CNTNAP5: variants seen among roughly 807,000 people sequenced by gnomAD.
CNTNAP5 encodes contactin associated protein family member 5.
A neutral mutation model predicts 150.2 loss-of-function variants in CNTNAP5; 72 were observed. The ratio of observed to expected loss-of-function variants is 0.48; its 90% confidence interval spans 0.40 to 0.58. CNTNAP5 has a LOEUF of 0.58. Among genes scored for constraint, CNTNAP5 ranks in the 20% least tolerant of loss-of-function variants. The probability of loss-of-function intolerance (pLI) is 0.00; values close to 1 mark genes in which losing one functional copy is unlikely to be tolerated. For synonymous variants in CNTNAP5, 672 were observed against 619.8 expected (o/e 1.08, Z -1.25); for missense variants, 1,636 against 1,626.2 (o/e 1.01, Z -0.10).
intron 3 of CNTNAP5, among the ~76,000 whole-genome samples, chr2:124,349,527 T>G (rs1203798691): frequency 6.6e-6 from 1 of 152,204 alleles, no homozygotes; most frequent in Non-Finnish European, 1.5e-5. Flanking sequence ...AGTTTTCCAG[T>G]GCTTTCTTTT....
intron 19 of CNTNAP5, among the ~76,000 whole-genome samples, chr2:124,808,523 C>T (rs560887044): frequency 3.6e-4 from 54 of 149,840 alleles, no homozygotes; most frequent in Non-Finnish European, 5.9e-4. Flanking sequence ...GGGAGGCAGA[C>T]GTTGCAGCGA....
At chr2:124,728,848 T>G (rs1436181366) in intron 13 of CNTNAP5, among the ~76,000 whole-genome samples, 2 of 152,096 alleles carry the variant, frequency 1.3e-5, no homozygotes, top group Admixed American at 6.6e-5. Flanking sequence ...TAATCCAATT[T>G]GTAAACTAAA....
In CNTNAP5 at chr2:124,440,791, T is replaced by C. The variant is rs142367523; in HGVS notation, c.734-5962T>C. ...CCCTTATCTATTTCTGTCCCAAAAG[T>C]TAGTTTCTGTATAGTTTTATTGTTT... On this transcript the variant is annotated intron_variant, in intron 5 of 23. Coordinates refer to ENST00000682447, the MANE Select transcript of CNTNAP5 (RefSeq NM_001367498.1). Among the ~76,000 whole-genome samples the C allele has an allele frequency of 2.4e-4, 36 of 152,270 alleles. No homozygotes were observed. In the East Asian group the frequency reaches 6.4e-3, roughly 27 times the overall value.
At chr2:124,778,370 T>A (rs1181871139) in intron 17 of CNTNAP5, 1 of 152,242 alleles carries the variant, frequency 6.6e-6, no homozygotes, top group Non-Finnish European at 1.5e-5. Context: ...CAGTAAGTCC[T>A]ACTGGCCAAG....
chr2:124,043,148 G>A (rs1056144642), intron 1 of CNTNAP5, among the ~76,000 whole-genome samples: 3 of 152,180 alleles, frequency 2.0e-5, no homozygotes, highest in African/African-American at 7.2e-5. Flanking sequence ...AAAATCAGAA[G>A]TAAGAGACTG....
chr2:124,337,130 G>C (rs1689492401), intron 3 of CNTNAP5, among the ~76,000 whole-genome samples: 1 of 152,184 alleles, frequency 6.6e-6, no homozygotes, highest in African/African-American at 2.4e-5. Context: ...GGCCAGTGAT[G>C]ATGAGCATTT....
chr2:124,425,618 C>T (rs1447621644), intron 4 of CNTNAP5, among the ~76,000 whole-genome samples: 1 of 150,820 alleles, frequency 6.6e-6, no homozygotes, highest in Admixed American at 6.6e-5. Flanking sequence ...ACCATATGTC[C>T]CAGCTTGCTC....
chr2:124,324,421 C>T (rs1368066006), intron 3 of CNTNAP5, among the ~76,000 whole-genome samples: 2 of 152,090 alleles, frequency 1.3e-5, no homozygotes, highest in African/African-American at 2.4e-5. Flanking sequence ...GTCTGAGAGA[C>T]ATCAAAGAAA....
At chr2:124,252,937 C>A (rs925153172) in intron 3 of CNTNAP5, among the ~76,000 whole-genome samples, 1 of 151,626 alleles carries the variant, frequency 6.6e-6, no homozygotes, top group Non-Finnish European at 1.5e-5. Context: ...TTGTAGAAGG[C>A]GATCTTATTA....
chr2:124,356,951 C>T (rs916067278), intron 3 of CNTNAP5, among the ~76,000 whole-genome samples: 2 of 152,222 alleles, frequency 1.3e-5, no homozygotes, highest in African/African-American at 4.8e-5. Context: ...TATTTCTTCA[C>T]ATCCTCTCCA....
At chr2:124,786,562 AAGAC>A (rs772099976) in intron 17 of CNTNAP5, among the ~76,000 whole-genome samples, 26 of 151,852 alleles carry the variant, frequency 1.7e-4, no homozygotes, top group Middle Eastern at 3.4e-3. Context: ...AGAAAGAAAG[AAGAC>A]AGAGAGAAAG....
intron 1 of CNTNAP5, among the ~76,000 whole-genome samples, chr2:124,194,392 TATATATATATATATATATAA>T (rs1452476049): frequency 0.028 from 351 of 12,746 alleles, 7 homozygotes; most frequent in African/African-American, 0.064. Context: ...TATATATATA[TATATATATATATATATATAA>T]ATATAAATAG....
intron 1 of CNTNAP5, among the ~76,000 whole-genome samples, chr2:124,106,610 T>C (rs1242268223): frequency 6.6e-6 from 1 of 152,180 alleles, no homozygotes; most frequent in East Asian, 1.9e-4. Context: ...TCACCCATTC[T>C]TTTCCGAATG....
intron 3 of CNTNAP5, among the ~76,000 whole-genome samples, chr2:124,311,029 G>T (rs1688815656): frequency 6.6e-6 from 1 of 152,156 alleles, no homozygotes; most frequent in South Asian, 2.1e-4. Flanking sequence ...AGTGAGAGAA[G>T]CACTCCAGTA....
chr2:124,092,870 C>T (rs7584999), intron 1 of CNTNAP5, among the ~76,000 whole-genome samples: 11,913 of 152,146 alleles, frequency 0.078, 571 homozygotes, highest in South Asian at 0.15. Flanking sequence ...ATAAAAATCA[C>T]GTGATACAAA....
At chr2:124,513,978 G>A (rs1413196458) in intron 8 of CNTNAP5, among the ~76,000 whole-genome samples, 2 of 152,198 alleles carry the variant, frequency 1.3e-5, no homozygotes, top group East Asian at 3.9e-4. Flanking sequence ...TTCATCCTCT[G>A]CTTCAATTAA....
intron 1 of CNTNAP5, among the ~76,000 whole-genome samples, chr2:124,185,143 A>T (rs1284573902): frequency 2.6e-5 from 4 of 152,192 alleles, no homozygotes; most frequent in Admixed American, 2.0e-4. Flanking sequence ...TAGTTTCCTT[A>T]TTAAAATTCC....
At position 124,431,508 on chromosome 2, in the gene CNTNAP5, G is replaced by GGTATAT. The variant is rs1553467712; in HGVS notation, c.530-2976_530-2975insGTATAT. ...ATTGCTTGGACAAAAAAGTGTCAAAGATATATATATATATATATATAAAAT... is the reference window on the plus strand; with the variant it reads ...ATTGCTTGGACAAAAAAGTGTCAAAGGTATATATATATATATATATATATATAAAAT... On this transcript the variant is annotated intron_variant, in intron 4 of 23. Transcript: ENST00000682447. Among the ~76,000 whole-genome samples, 213 of 114,256 alleles carry GGTATAT rather than the reference G, an allele frequency of 1.9e-3. 3 individuals are homozygous for GGTATAT. Among genetic ancestry groups the GGTATAT allele is most frequent in the Middle Eastern group, 6.1e-3 (1 of 164 alleles). The allele number at this position is 114,256 out of a possible 152,430, so 75.0% of individuals were successfully genotyped here.
At chr2:124,154,296 TCAAGTG>T (rs1473031241) in intron 1 of CNTNAP5, among the ~76,000 whole-genome samples, 1 of 152,080 alleles carries the variant, frequency 6.6e-6, no homozygotes, top group Non-Finnish European at 1.5e-5. Flanking sequence ...AGACAGGAAT[TCAAGTG>T]CAAGGGGTTT....
Sources: gnomAD v4.1 joint callset for allele counts (sites outside exome capture counted in the v4.1 genomes callset) on GRCh38, gnomAD v4.1.1 for gene constraint, MANE v1.5 for transcripts, NCBI Gene and HGNC (gene_info 2026-07-23, HGNC 2026-07-21) for gene names.